Variants in MTUS1 observed in about 807,000 individuals in gnomAD.
The protein encoded by MTUS1 is microtubule-associated tumor suppressor 1.
A neutral mutation model predicts 120.8 loss-of-function variants in MTUS1; 109 were observed. The ratio of observed to expected loss-of-function variants is 0.90; its 90% CI spans 0.77 to 1.06. MTUS1 has a LOEUF of 1.06. MTUS1 is among the 50% of genes least tolerant of loss of function. The pLI, the probability that MTUS1 is intolerant of heterozygous loss-of-function variation, is 0.00. For missense variants in MTUS1, 2,210 were observed against 1,486.3 expected, an observed-to-expected ratio of 1.49 and a Z score of -8.01; for synonymous variants, 737 against 550.5, an observed-to-expected ratio of 1.34 and a Z score of -4.74.
chr8:17,756,642 C>T (rs1313606178), intron 1 of MTUS1, among the ~76,000 whole-genome samples: 1 of 146,844 alleles, frequency 6.8e-6, no homozygotes, highest in African/African-American at 2.6e-5. Context: ...CTGTTCCCCA[C>T]CCCTCTCCAA....
intron 8 of MTUS1, among the ~76,000 whole-genome samples, chr8:17,664,483 C>A (rs1355428985): frequency 6.6e-6 from 1 of 151,192 alleles, no homozygotes; most frequent in Non-Finnish European, 1.5e-5. Flanking sequence ...CCTCTCTGCA[C>A]CATCTAGGAT....
chr8:17,701,013 G>T (rs978011634), intron 6 of MTUS1, among the ~76,000 whole-genome samples: 1 of 152,056 alleles, frequency 6.6e-6, no homozygotes, highest in Non-Finnish European at 1.5e-5. Context: ...TCTGTATGGG[G>T]TGCTTAGATG....
Position 17,644,304 on chromosome 8 carries a change from T to G in MTUS1, c.*1622A>C, listed in dbSNP as rs1231052050. The G allele has an allele frequency of 6.6e-6, 1 of 152,640 alleles. No individual in the cohort carries two copies. Among genetic ancestry groups the G allele is most frequent in the African/African-American group, 2.4e-5 (1 of 41,464 alleles). The allele number at this position is 152,640 out of a possible 1,614,324, so 9.5% of individuals were successfully genotyped here. A position where few individuals can be genotyped will look rare whatever the true frequency, so the allele number is the denominator to read the frequency against. ...AGAACATGCAACATGAGTATCAACT[T>G]GCTATGTAGTGTACATGTAAATGAC... On this transcript the variant is annotated 3_prime_UTR_variant, in exon 15 of 15. Coordinates refer to ENST00000693296, the MANE Select transcript of MTUS1 (RefSeq NM_001363059.2).
intron 6 of MTUS1, among the ~76,000 whole-genome samples, chr8:17,698,961 A>T (rs1818499805): frequency 6.6e-6 from 1 of 152,178 alleles, no homozygotes; most frequent in Admixed American, 6.5e-5. Flanking sequence ...GTTTATTATT[A>T]AAAAACCTGA....
At chr8:17,794,469 G>T (rs1355857242) in intron 1 of MTUS1, among the ~76,000 whole-genome samples, 1 of 152,178 alleles carries the variant, frequency 6.6e-6, no homozygotes, top group East Asian at 1.9e-4. Flanking sequence ...CTGTATGTGG[G>T]GCCTAGATTG....
In MTUS1 at chr8:17,723,741, G is replaced by T; in HGVS notation, c.2380C>A (p.Leu794Met). Residue 794 changes from leucine (L) to methionine (M), a missense_variant, in exon 4 of 15, where the codon CTG (leucine) becomes ATG (methionine). By Grantham distance (15) the Leu-to-Met change is conservative. Coordinates refer to ENST00000693296, the MANE Select transcript of MTUS1 (RefSeq NM_001363059.2). Reference protein sequence around the residue: ...KSKASLKSPALRRTGSTPSIA... With the variant: ...KSKASLKSPAMRRTGSTPSIA... ...GAGGGGGTGCTTCCTGTCCTCCGCAGCGCAGGACTTTTCAAAGATGCTTTG... is the reference window on the plus strand; with the variant it reads ...GAGGGGGTGCTTCCTGTCCTCCGCATCGCAGGACTTTTCAAAGATGCTTTG... 1 of 1,610,724 alleles carries T rather than the reference G, an allele frequency of 6.2e-7. No homozygotes were observed. The highest frequency in any genetic ancestry group is 8.5e-7 in the Non-Finnish European group (1 of 1,177,694).
intron 7 of MTUS1, chr8:17,676,457 C>G: frequency 1.6e-6 from 1 of 635,154 alleles, no homozygotes; most frequent in South Asian, 1.7e-5. Flanking sequence ...CATTGGCCCT[C>G]GGGCGTCTTA....
At position 17,762,939 on chromosome 8, in the gene MTUS1, G is replaced by A. The variant is rs187363388; in HGVS notation, c.-154-6978C>T. Among the ~76,000 whole-genome samples the A allele has an allele frequency of 2.8e-3, 428 of 151,212 alleles. 6 individuals are homozygous for A. The highest frequency in any genetic ancestry group is 1.4e-3 in the East Asian group (7 of 5,140). The stretch of plus-strand genomic sequence containing the variant: ...AGCTTTGAGAAACACCTGTCCAGTT[G>A]ACCAGATCAAAAACAACAGTGGCTG... On this transcript the variant is annotated intron_variant, in intron 1 of 14. Transcript: ENST00000693296.
intron 1 of MTUS1, among the ~76,000 whole-genome samples, chr8:17,773,124 G>C (rs1346651046): frequency 3.9e-5 from 6 of 152,178 alleles, no homozygotes; most frequent in African/African-American, 9.7e-5. Context: ...TGTTATGCCA[G>C]AGAGGATCCA....
intron 6 of MTUS1, among the ~76,000 whole-genome samples, chr8:17,693,618 G>A (rs533100963): frequency 2.0e-5 from 3 of 152,086 alleles, no homozygotes; most frequent in Non-Finnish European, 2.9e-5. Flanking sequence ...TTTCTCTGTC[G>A]GAAACACTTT....
intron 1 of MTUS1, among the ~76,000 whole-genome samples, chr8:17,783,013 G>A (rs1235900888): frequency 6.6e-6 from 1 of 152,196 alleles, no homozygotes; most frequent in Non-Finnish European, 1.5e-5. Context: ...GGGAGGCGGA[G>A]TTTGCAGTGA....
At chr8:17,698,602 TAACAC>T (rs1431781568) in intron 6 of MTUS1, among the ~76,000 whole-genome samples, 36 of 152,300 alleles carry the variant, frequency 2.4e-4, no homozygotes, top group African/African-American at 8.7e-4. Context: ...TTACCATAAA[TAACAC>T]TATTAAGTGC....
intron 8 of MTUS1, among the ~76,000 whole-genome samples, chr8:17,661,321 T>G (rs1451880006): frequency 6.6e-6 from 1 of 152,096 alleles, no homozygotes; most frequent in Non-Finnish European, 1.5e-5. Flanking sequence ...TCTCTTAAAA[T>G]TTCCGGTATT....
chr8:17,735,894 T>C (rs1350003436), intron 3 of MTUS1, among the ~76,000 whole-genome samples: 1 of 152,222 alleles, frequency 6.6e-6, no homozygotes, highest in Non-Finnish European at 1.5e-5. Context: ...ATAATGAGCA[T>C]ACAGCACTAT....
chr8:17,721,597 C>G, intron 4 of MTUS1: 2 of 1,270,344 alleles, frequency 1.6e-6, no homozygotes, highest in East Asian at 2.6e-5. Flanking sequence ...CCAAATACTA[C>G]CATTACCATA....
In MTUS1 at chr8:17,757,974, A is replaced by G. The variant is rs190407610; in HGVS notation, c.-154-2013T>C. On this transcript the variant is annotated intron_variant, in intron 1 of 14. Transcript: ENST00000693296. ...TGATTTATATTCTGATGGAAAGTGT[A>G]AATTTGTTAACTCTTTTTACTACTG... Among the ~76,000 whole-genome samples the G allele has an allele frequency of 3.3e-5, 5 of 152,316 alleles. No homozygotes were observed. In the East Asian group the frequency reaches 7.7e-4, roughly 23 times the overall value.
At chr8:17,732,051 G>A (rs2046620953) in intron 3 of MTUS1, among the ~76,000 whole-genome samples, 1 of 152,318 alleles carries the variant, frequency 6.6e-6, no homozygotes, top group East Asian at 1.9e-4. Context: ...GAGAGGAGGA[G>A]GTCCCTGCCC....
intron 3 of MTUS1, 107 bp downstream of exon 3, chr8:17,743,497 C>A: frequency 4.7e-6 from 5 of 1,073,494 alleles, no homozygotes; most frequent in Non-Finnish European, 5.3e-6. Context: ...GATGCTGATC[C>A]ACAAAAGGCT....
At chr8:17,698,512 C>T (rs536103129) in intron 6 of MTUS1, among the ~76,000 whole-genome samples, 1 of 152,228 alleles carries the variant, frequency 6.6e-6, no homozygotes, top group Middle Eastern at 3.4e-3. Flanking sequence ...ATGTTATAAA[C>T]AAAACAATGT....
Sources: gnomAD v4.1 joint callset for allele counts (sites outside exome capture counted in the v4.1 genomes callset) on GRCh38, gnomAD v4.1.1 for gene constraint, MANE v1.5 for transcripts, NCBI Gene and HGNC (gene_info 2026-07-23, HGNC 2026-07-21) for gene names.